The following KCNB2 variants were observed in gnomAD, a reference collection of about 807,000 sequenced individuals.
The protein encoded by KCNB2 is delayed rectifier potassium channel protein.
In KCNB2, 15 loss-of-function variants were observed where a neutral mutation model predicts 61.5. The ratio of observed to expected loss-of-function variants is 0.24; its 90% CI spans 0.16 to 0.38. KCNB2 has a LOEUF of 0.38. KCNB2 is among the 10% of genes least tolerant of loss of function. KCNB2 has a pLI of 1.00. For missense variants in KCNB2, 828 were observed against 1,125.2 expected, an observed-to-expected ratio of 0.74 and a Z score of 3.78; for synonymous variants, 457 against 446.0, an observed-to-expected ratio of 1.02 and a Z score of -0.31.
chr8:72,933,270 C>T (rs193046166), intron 2 of KCNB2, among the ~76,000 whole-genome samples: 4 of 152,296 alleles, frequency 2.6e-5, no homozygotes, highest in African/African-American at 9.6e-5. Flanking sequence ...TCATCATTTC[C>T]CAAAATTAGC....
At chr8:72,780,016 T>C (rs1172050733) in intron 2 of KCNB2, among the ~76,000 whole-genome samples, 2 of 152,174 alleles carry the variant, frequency 1.3e-5, no homozygotes, top group Non-Finnish European at 2.9e-5. Flanking sequence ...TTGCTCCCGA[T>C]AAAGCTGTCC....
At chr8:72,767,607 A>G (rs1163029318) in intron 2 of KCNB2, among the ~76,000 whole-genome samples, 1 of 152,182 alleles carries the variant, frequency 6.6e-6, no homozygotes, top group African/African-American at 2.4e-5. Flanking sequence ...GTTATACTAC[A>G]TCTTATTTAT....
intron 2 of KCNB2, among the ~76,000 whole-genome samples, chr8:72,690,392 C>T (rs949803240): frequency 3.3e-5 from 5 of 152,180 alleles, no homozygotes; most frequent in East Asian, 1.9e-4. Context: ...AAATAAACTA[C>T]GATCTTTGTG....
intron 2 of KCNB2, among the ~76,000 whole-genome samples, chr8:72,927,000 G>A (rs1806663160): frequency 6.6e-6 from 1 of 152,156 alleles, no homozygotes; most frequent in African/African-American, 2.4e-5. Flanking sequence ...AGAATCACCT[G>A]GAGAACTTGT....
intron 2 of KCNB2, among the ~76,000 whole-genome samples, chr8:72,682,090 T>C (rs1329309376): frequency 6.6e-6 from 1 of 152,234 alleles, no homozygotes; most frequent in Non-Finnish European, 1.5e-5. Context: ...TTAGTGTTCC[T>C]GAGATAGCAT....
At chr8:72,553,107 A>AT (rs1172507193) in intron 1 of KCNB2, among the ~76,000 whole-genome samples, 1 of 152,202 alleles carries the variant, frequency 6.6e-6, no homozygotes, top group Non-Finnish European at 1.5e-5. Context: ...AGTTCAAATC[A>AT]TTAGCAACAA....
At chr8:72,557,219 C>T (rs1021759984) in intron 1 of KCNB2, among the ~76,000 whole-genome samples, 1 of 152,160 alleles carries the variant, frequency 6.6e-6, no homozygotes, top group African/African-American at 2.4e-5. Flanking sequence ...CCTTTCCCCT[C>T]ACATGATTTT....
intron 2 of KCNB2, among the ~76,000 whole-genome samples, chr8:72,779,887 C>T (rs1381668936): frequency 6.6e-6 from 1 of 152,098 alleles, no homozygotes; most frequent in Admixed American, 6.6e-5. Flanking sequence ...TCCACCACTG[C>T]GTTTCAGGAT....
Position 72,936,738 on chromosome 8 carries a change from T to G in KCNB2, c.1383T>G (p.Ser461Arg). The G allele has an allele frequency of 6.2e-7, 1 of 1,614,076 alleles. No homozygotes were observed. The highest frequency in any genetic ancestry group is 8.5e-7 in the Non-Finnish European group (1 of 1,180,014). The change falls in exon 3 of 3, where the codon AGT becomes AGG. Residue 461 changes from serine to arginine, a missense_variant. Physicochemically the swap from Ser to Arg is moderately radical, Grantham distance 110. Transcript: ENST00000523207. The surrounding 1 kb of genome is among the most constrained non-coding windows in gnomAD (Gnocchi z 5.6). ...ACTTAAAAGATGCCTTCGCTCGAAG[T>G]ATGGAACTGATAGATGTGGCTGTTG... The part of the protein sequence containing the change: ...SMNLKDAFAR[S>R]MELIDVAVEK...
At chr8:72,786,317 T>C (rs1217789787) in intron 2 of KCNB2, among the ~76,000 whole-genome samples, 1 of 152,160 alleles carries the variant, frequency 6.6e-6, no homozygotes, top group African/African-American at 2.4e-5. Context: ...GCCACAATCT[T>C]AGCATGAGCA....
chr8:72,566,017 A>T (rs770000545), intron 1 of KCNB2, among the ~76,000 whole-genome samples: 10 of 152,202 alleles, frequency 6.6e-5, no homozygotes, highest in Non-Finnish European at 1.3e-4. Flanking sequence ...AGCTTTCTCT[A>T]GAAGGTGAGG....
chr8:72,671,660 T>C (rs1306410396), intron 2 of KCNB2, among the ~76,000 whole-genome samples: 2 of 152,160 alleles, frequency 1.3e-5, no homozygotes, highest in Admixed American at 6.5e-5. Context: ...TGTGACTCTG[T>C]AGTTTCTTAC....
chr8:72,834,958 C>T (rs1809758166), intron 2 of KCNB2, among the ~76,000 whole-genome samples: 1 of 152,120 alleles, frequency 6.6e-6, no homozygotes, highest in African/African-American at 2.4e-5. Context: ...GATTGGAAAA[C>T]CAGCAGGAGG....
intron 2 of KCNB2, among the ~76,000 whole-genome samples, chr8:72,920,880 A>G (rs1202276449): frequency 2.0e-5 from 3 of 152,154 alleles, no homozygotes; most frequent in Admixed American, 6.6e-5. Flanking sequence ...TCAAAAATAC[A>G]AATGTTAGAG....
chr8:72,583,867 A>T (rs557564736), intron 2 of KCNB2, among the ~76,000 whole-genome samples: 2 of 151,788 alleles, frequency 1.3e-5, no homozygotes, highest in East Asian at 3.9e-4. Context: ...ACATTGTCCT[A>T]GATACCCATT....
intron 2 of KCNB2, among the ~76,000 whole-genome samples, chr8:72,852,163 G>A (rs1297728993): frequency 6.6e-6 from 1 of 152,204 alleles, no homozygotes; most frequent in Non-Finnish European, 1.5e-5. Flanking sequence ...AGAAGGCTGA[G>A]GCAGGAGAAT....
At chr8:72,683,597 G>A (rs1223713713) in intron 2 of KCNB2, among the ~76,000 whole-genome samples, 2 of 152,188 alleles carry the variant, frequency 1.3e-5, no homozygotes, top group Non-Finnish European at 2.9e-5. Context: ...CCTGGCCTAG[G>A]TCAGGAACCC....
intron 2 of KCNB2, among the ~76,000 whole-genome samples, chr8:72,569,535 T>C (rs1246825439): frequency 6.6e-6 from 1 of 152,206 alleles, no homozygotes; most frequent in Non-Finnish European, 1.5e-5. Flanking sequence ...TAAAATGATA[T>C]CTGTTGTGTA....
chr8:72,605,749 G>C (rs542084066), intron 2 of KCNB2, among the ~76,000 whole-genome samples: 1 of 152,248 alleles, frequency 6.6e-6, no homozygotes, highest in Non-Finnish European at 1.5e-5. Flanking sequence ...GTCAAGATAT[G>C]TGGTTCAATA....
Sources: allele counts gnomAD v4.1 joint callset (sites outside exome capture counted in the v4.1 genomes callset), GRCh38; gene constraint gnomAD v4.1.1; non-coding constraint Gnocchi (gnomAD v3.1); transcripts MANE v1.5; gene names NCBI Gene and HGNC (gene_info 2026-07-23, HGNC 2026-07-21).